NRIP2: variants seen among roughly 807,000 people sequenced by gnomAD.
The protein encoded by NRIP2 is nuclear receptor-interacting protein 2.
A neutral mutation model predicts 34.1 loss-of-function variants in NRIP2; 27 were observed. That is an observed-to-expected ratio of 0.79 (90% CI 0.58 to 1.09). The LOEUF (loss-of-function observed/expected upper bound fraction) is 1.09. Among genes scored for constraint, NRIP2 ranks in the 50% least tolerant of loss-of-function variants. The probability of loss-of-function intolerance (pLI) is 0.00; values close to 1 mark genes in which losing one functional copy is unlikely to be tolerated. For synonymous variants in NRIP2, 145 were observed against 146.9 expected (o/e 0.99, Z 0.09); for missense variants, 385 against 352.6 (o/e 1.09, Z -0.74).
Position 2,826,849 on chromosome 12 carries a change from G to A in NRIP2, c.*358C>T, listed in dbSNP as rs965118158. On this transcript the variant is annotated 3_prime_UTR_variant, in exon 6 of 6. Coordinates refer to ENST00000337508, the MANE Select transcript of NRIP2 (RefSeq NM_031474.3). The stretch of plus-strand genomic sequence containing the variant: ...TTGAGTTGTGTTTGGGGTGGTATTG[G>A]GTGATGGACAAGGACAGCAGTCAGC... The A allele has an allele frequency of 1.8e-5, 7 of 393,014 alleles. No homozygotes were observed. The highest frequency in any genetic ancestry group is 1.3e-4 in the African/African-American group (6 of 45,222). The allele number at this position is 393,014 out of a possible 1,614,324, so 24.3% of individuals were successfully genotyped here.
intron 2 of NRIP2, chr12:2,830,072 G>A (rs2097993398): frequency 1.3e-5 from 2 of 151,856 alleles, no homozygotes; most frequent in South Asian, 4.2e-4. Context: ...GCGAGACTCT[G>A]TCTCAAAAAA....
At chr12:2,834,167 T>C (rs2098016801) in intron 1 of NRIP2, among the ~76,000 whole-genome samples, 1 of 152,160 alleles carries the variant, frequency 6.6e-6, no homozygotes, top group Admixed American at 6.5e-5. Context: ...CACAAAACCC[T>C]GATGCCCTGG....
chr12:2,828,046 A>G lies in NRIP2; in HGVS notation c.580T>C (p.Leu194=). Residue 194 remains leucine, a splice_region_variant and synonymous_variant, in exon 4 of 6, where the codon TTA becomes CTA. Transcript: ENST00000337508. Reference sequence around the variant, plus strand: ...GAGGCTTTTAGGACCCTTTTCTCTAACCTGTGGTTGGGAAGCAAGGGTTAT... The same window carrying G: ...GAGGCTTTTAGGACCCTTTTCTCTAGCCTGTGGTTGGGAAGCAAGGGTTAT... ...ISAGCLSRLG[L]EKRVLKASAG... The G allele has an allele frequency of 1.2e-6, 2 of 1,612,678 alleles. No individual in the cohort carries two copies. The highest frequency in any genetic ancestry group is 1.7e-6 in the Non-Finnish European group (2 of 1,179,336).
Position 2,828,361 on chromosome 12 carries a change from C to G in NRIP2, c.549G>C (p.Arg183=), listed in dbSNP as rs377355504. Residue 183 remains arginine, a synonymous_variant, in exon 3 of 6, where the codon CGG becomes CGC. Coordinates refer to ENST00000337508, the MANE Select transcript of NRIP2 (RefSeq NM_031474.3). ...VAVDTGTQYN[R]ISAGCLSRLG... ...GGCGGCTGAGACATCCAGCAGAGAT[C>G]CGATTGTATTGGGTGCCTGTGTCAA... The G allele has an allele frequency of 3.3e-5, 54 of 1,614,016 alleles. No homozygotes were observed. Among genetic ancestry groups the G allele is most frequent in the Non-Finnish European group, 4.6e-5 (54 of 1,180,042 alleles).
At position 2,834,669 on chromosome 12, in the gene NRIP2, G is replaced by C; in HGVS notation, c.315C>G (p.Leu105=). 2 of 1,609,938 alleles carry C rather than the reference G, an allele frequency of 1.2e-6. No homozygotes were observed. Among genetic ancestry groups the C allele is most frequent in the Non-Finnish European group, 1.7e-6 (2 of 1,177,726 alleles). The change falls in exon 1 of 6, where the codon CTC becomes CTG. Residue 105 remains leucine, a synonymous_variant. Coordinates refer to ENST00000337508, the MANE Select transcript of NRIP2 (RefSeq NM_031474.3). ...DSADLLPLDS[L]KRLGTSKDLQ... ...AGTCCTTGGAGGTGCCGAGCCTCTT[G>C]AGGCTGTCCAGCGGGAGCAGGTCGG...
At chr12:2,830,617 C>A in intron 2 of NRIP2, 91 bp downstream of exon 2, 1 of 1,379,896 alleles carries the variant, frequency 7.2e-7, no homozygotes. Context: ...CCCTCCCTCC[C>A]TCTCCCATCA....
At chr12:2,833,242 AAC>A (rs1451829912) in intron 1 of NRIP2, among the ~76,000 whole-genome samples, 7 of 152,106 alleles carry the variant, frequency 4.6e-5, no homozygotes, top group Admixed American at 2.0e-4. Flanking sequence ...CCTGGGGCCA[AAC>A]ACATGTAGGA....
Position 2,826,977 on chromosome 12 carries a change from C to A in NRIP2, c.*230G>T. The stretch of plus-strand genomic sequence containing the variant: ...TCTTGGGAGGAAGATGAATCAGAAT[C>A]CTGGCATCGTGGGCCCTCTAGTGAA... On this transcript the variant is annotated 3_prime_UTR_variant, in exon 6 of 6. Coordinates refer to ENST00000337508, the MANE Select transcript of NRIP2 (RefSeq NM_031474.3). The A allele has an allele frequency of 7.4e-7, 1 of 1,356,664 alleles. No individual in the cohort carries two copies. Among genetic ancestry groups the A allele is most frequent in the Middle Eastern group, 2.8e-4 (1 of 3,578 alleles). 84.0% of individuals were successfully genotyped at this position (1,356,664 alleles called of 1,614,324 possible). A position where few individuals can be genotyped will look rare whatever the true frequency, so the allele number is the denominator to read the frequency against.
rs754101697 is a variant in NRIP2 at position 2,827,306 on chromosome 12, GGT to G, written c.754-9_754-8del. 1 of 1,611,588 alleles carries G rather than the reference GGT, an allele frequency of 6.2e-7. No homozygotes were observed. The highest frequency in any genetic ancestry group is 1.1e-5 in the South Asian group (1 of 90,822). On this transcript the variant is annotated splice_region_variant and splice_polypyrimidine_tract_variant and intron_variant, in intron 5 of 5. Transcript: ENST00000337508. The surrounding 1 kb of genome is among the most constrained non-coding windows in gnomAD (Gnocchi z 4.0). ...GCTCCAGGTCGATGCAGCACTGCGG[GGT>G]GTAGAGCAGTCATGCCAGGTCACCT... is the stretch of plus-strand genomic sequence containing the variant.
chr12:2,827,515 A>G lies in NRIP2; in HGVS notation c.753+110T>C. On this transcript the variant is annotated intron_variant, in intron 5 of 5. Coordinates refer to ENST00000337508, the MANE Select transcript of NRIP2 (RefSeq NM_031474.3). The surrounding 1 kb of genome is among the most constrained non-coding windows in gnomAD (Gnocchi z 4.0). Reference sequence around the variant, plus strand: ...GGAACCTCTAAGGAAGCAAAGGGACAGTTGCCCATCTCTAAGTCACTCTCA... The same window carrying G: ...GGAACCTCTAAGGAAGCAAAGGGACGGTTGCCCATCTCTAAGTCACTCTCA... 6.3e-7 allele frequency: 1 copy of G among 1,576,292 alleles called. No individual in the cohort carries two copies. The highest frequency in any genetic ancestry group is 8.6e-7 in the Non-Finnish European group (1 of 1,165,480).
chr12:2,828,367 G>A lies in NRIP2; in HGVS notation c.543C>T (p.Tyr181=), dbSNP rs140645381. ...LRVAVDTGTQ[Y]NRISAGCLSR... ...TGAGACATCCAGCAGAGATCCGATT[G>A]TATTGGGTGCCTGTGTCAACGGCCA... is the stretch of plus-strand genomic sequence containing the variant. The change falls in exon 3 of 6, where the codon TAC becomes TAT. Residue 181 remains tyrosine, a synonymous_variant. Coordinates refer to ENST00000337508, the MANE Select transcript of NRIP2 (RefSeq NM_031474.3). 1.1e-5 allele frequency: 17 copies of A among 1,614,050 alleles called. No homozygotes were observed. Among genetic ancestry groups the A allele is most frequent in the Non-Finnish European group, 1.4e-5 (17 of 1,180,038 alleles).
chr12:2,830,888 A>G, intron 1 of NRIP2, 28 bp from the exon 2 acceptor site: 1 of 1,606,328 alleles, frequency 6.2e-7, no homozygotes, highest in Non-Finnish European at 8.5e-7. Flanking sequence ...CAATGAAGGT[A>G]GGCAGTTCTA....
chr12:2,828,079 A>ACCCCATTAAT lies in NRIP2; in HGVS notation c.579-33_579-32insATTAATGGGG, dbSNP rs1298569427. 1.9e-6 allele frequency: 3 copies of ACCCCATTAAT among 1,583,208 alleles called. No homozygotes were observed. The South Asian group carries it at 3.3e-5, about 18-fold the overall frequency. ...TTGGGAAGCAAGGGTTATGGCTACCACAGCCCCTAGAGGGTTCCACCCCAT... is the reference window on the plus strand; with the variant it reads ...TTGGGAAGCAAGGGTTATGGCTACCACCCCATTAATCAGCCCCTAGAGGGTTCCACCCCAT... On this transcript the variant is annotated intron_variant, in intron 3 of 5. Coordinates refer to ENST00000337508, the MANE Select transcript of NRIP2 (RefSeq NM_031474.3).
intron 1 of NRIP2, among the ~76,000 whole-genome samples, chr12:2,831,436 T>C (rs1412939061): frequency 6.6e-6 from 1 of 151,972 alleles, no homozygotes; most frequent in Non-Finnish European, 1.5e-5. Context: ...ATACAAAAAT[T>C]AGCTAGATGT....
intron 2 of NRIP2, among the ~76,000 whole-genome samples, chr12:2,828,938 G>A (rs1298640525): frequency 3.9e-5 from 6 of 152,116 alleles, no homozygotes; most frequent in Non-Finnish European, 5.9e-5. Flanking sequence ...CAGGTGCGGT[G>A]GCTCATGCTT....
intron 2 of NRIP2, chr12:2,830,502 G>A: frequency 1.9e-6 from 1 of 526,206 alleles, no homozygotes; most frequent in East Asian, 3.3e-5. Context: ...GCAGAGTAAT[G>A]GTGGTGACAG....
intron 1 of NRIP2, among the ~76,000 whole-genome samples, chr12:2,833,823 A>G (rs545512004): frequency 4.6e-5 from 7 of 152,336 alleles, no homozygotes; most frequent in East Asian, 1.9e-4. Context: ...CAACAATCCT[A>G]TGATTGATTT....
In NRIP2 at chr12:2,830,854, G is replaced by T. The variant is rs199998479; in HGVS notation, c.349C>A (p.Arg117Ser). 6.2e-7 allele frequency: 1 copy of T among 1,612,344 alleles called. No individual in the cohort carries two copies. The change falls in exon 2 of 6, where the codon CGC (arginine) becomes AGC (serine). Residue 117 changes from arginine (R) to serine (S), a missense_variant. Arg to Ser is a moderately radical substitution (Grantham distance 110). Transcript: ENST00000337508. Reference sequence around the variant, plus strand: ...ACCAGGCGTCTTTGGATCACACTGCGCGGCTGCTGGCTCCATCACAAAACA... The same window carrying T: ...ACCAGGCGTCTTTGGATCACACTGCTCGGCTGCTGGCTCCATCACAAAACA... ...RLGTSKDLQPRSVIQRRLVEG... is the reference protein window; with the variant it reads ...RLGTSKDLQPSSVIQRRLVEG...
rs1343413873 is a variant in NRIP2, at chr12:2,827,841, C to T, written c.700+85G>A. 42 of 1,607,440 alleles carry T rather than the reference C, an allele frequency of 2.6e-5. No homozygotes were observed. Among genetic ancestry groups the T allele is most frequent in the Non-Finnish European group, 3.6e-5 (42 of 1,177,510 alleles). On this transcript the variant is annotated intron_variant, in intron 4 of 5. Transcript: ENST00000337508. This position sits in a 1 kb window ranked among gnomAD's most constrained non-coding sequence, Gnocchi z 4.0. ...ACATCTCTGGGAACTCCTCGTGCTG[C>T]AGGGAGTGAAAGTCTCAGCCTTTGC... is the stretch of plus-strand genomic sequence containing the variant.
Sources: gnomAD v4.1 joint callset for allele counts (sites outside exome capture counted in the v4.1 genomes callset) on GRCh38, gnomAD v4.1.1 for gene constraint, Gnocchi (gnomAD v3.1) non-coding constraint, MANE v1.5 for transcripts, NCBI Gene and HGNC (gene_info 2026-07-23, HGNC 2026-07-21) for gene names.